Variants in PLXDC2 observed in about 807,000 individuals in gnomAD.
PLXDC2 encodes plexin domain-containing protein 2.
In PLXDC2, 40 loss-of-function variants were observed where a neutral mutation model predicts 68.9. That is an observed-to-expected ratio of 0.58 (90% confidence interval 0.45 to 0.76). PLXDC2 has a LOEUF of 0.76. Ranked by LOEUF, PLXDC2 falls within the 30% of genes least tolerant of loss-of-function variation. The probability of loss-of-function intolerance (pLI) is 0.00; values close to 1 mark genes in which losing one functional copy is unlikely to be tolerated. For missense variants in PLXDC2, 644 were observed against 661.9 expected, an observed-to-expected ratio of 0.97 and a Z score of 0.30; for synonymous variants, 243 against 234.2, an observed-to-expected ratio of 1.04 and a Z score of -0.34.
intron 2 of PLXDC2, among the ~76,000 whole-genome samples, chr10:20,013,616 G>A (rs180696019): frequency 6.6e-6 from 1 of 152,200 alleles, no homozygotes; most frequent in Admixed American, 6.5e-5. Flanking sequence ...TTTAAAACTA[G>A]TACAGAGTAA....
intron 1 of PLXDC2, among the ~76,000 whole-genome samples, chr10:19,858,703 G>A (rs1299949637): frequency 6.6e-6 from 1 of 152,092 alleles, no homozygotes; most frequent in African/African-American, 2.4e-5. Context: ...GGGATAGTGA[G>A]TATTTGCATT....
At position 20,146,518 on chromosome 10, in the gene PLXDC2, T is replaced by TCCTTCCTTCCTTCCTC. The variant is rs1217081598; in HGVS notation, c.665-1263_665-1262insTCCTTCCTTCCTCCCT. Reference sequence around the variant, plus strand: ...TTCCTTCCTTCCTTCCTTCCTTCCTTCCTCCCTCCCTCCCTCCCTCCCTCC... The same window carrying TCCTTCCTTCCTTCCTC: ...TTCCTTCCTTCCTTCCTTCCTTCCTTCCTTCCTTCCTTCCTCCCTCCCTCCCTCCCTCCCTCCCTCC... On this transcript the variant is annotated intron_variant, in intron 5 of 13. Transcript: ENST00000377252. 7.7e-3 allele frequency among the ~76,000 whole-genome samples: 883 copies of TCCTTCCTTCCTTCCTC among 115,304 alleles called. 6 individuals are homozygous for TCCTTCCTTCCTTCCTC. The highest frequency in any genetic ancestry group is 0.014 in the Middle Eastern group (3 of 210). 75.6% of individuals were successfully genotyped at this position (115,304 alleles called of 152,430 possible).
chr10:20,142,400 G>A (rs1161549045), intron 4 of PLXDC2, among the ~76,000 whole-genome samples: 1 of 152,024 alleles, frequency 6.6e-6, no homozygotes, highest in Admixed American at 6.6e-5. Flanking sequence ...ATTAAAATTA[G>A]TTAGCAATCC....
At chr10:19,986,368 G>A (rs1390523252) in intron 1 of PLXDC2, among the ~76,000 whole-genome samples, 1 of 151,882 alleles carries the variant, frequency 6.6e-6, no homozygotes, top group African/African-American at 2.4e-5. Flanking sequence ...TTCTAAACAG[G>A]TATTTTTGAA....
chr10:20,185,684 A>C (rs1013500704), intron 9 of PLXDC2, among the ~76,000 whole-genome samples: 1 of 151,962 alleles, frequency 6.6e-6, no homozygotes, highest in African/African-American at 2.4e-5. Flanking sequence ...TTATGGTCTA[A>C]GTTCATATTT....
At chr10:20,106,420 T>C (rs1833491479) in intron 4 of PLXDC2, among the ~76,000 whole-genome samples, 2 of 152,182 alleles carry the variant, frequency 1.3e-5, no homozygotes, top group Non-Finnish European at 2.9e-5. Context: ...CATTTTTGGA[T>C]TGACTTTTGA....
chr10:20,122,674 G>A (rs1833716030), intron 4 of PLXDC2, among the ~76,000 whole-genome samples: 1 of 152,214 alleles, frequency 6.6e-6, no homozygotes, highest in African/African-American at 2.4e-5. Context: ...CTGCGGTTCA[G>A]GCATTTGGAA....
intron 4 of PLXDC2, among the ~76,000 whole-genome samples, chr10:20,075,339 C>T (rs902581503): frequency 1.1e-4 from 17 of 152,100 alleles, no homozygotes; most frequent in Admixed American, 1.0e-3. Flanking sequence ...CAGGCATGCA[C>T]CACCATGCCT....
At chr10:20,160,404 A>C (rs1345792218) in intron 6 of PLXDC2, among the ~76,000 whole-genome samples, 1 of 151,886 alleles carries the variant, frequency 6.6e-6, no homozygotes, top group East Asian at 1.9e-4. Context: ...CCTAACTTCT[A>C]CTCTCCTTAC....
chr10:19,907,182 A>G (rs1833179212), intron 1 of PLXDC2, among the ~76,000 whole-genome samples: 1 of 152,128 alleles, frequency 6.6e-6, no homozygotes, highest in Admixed American at 6.5e-5. Context: ...GAGCGCTAAG[A>G]GCCTGAAATT....
intron 1 of PLXDC2, among the ~76,000 whole-genome samples, chr10:19,883,708 T>A (rs1312545303): frequency 6.6e-6 from 1 of 151,764 alleles, no homozygotes; most frequent in African/African-American, 2.4e-5. Flanking sequence ...AAAAAAAAAT[T>A]CAGAGAGAAG....
At chr10:19,941,110 C>G (rs1182903884) in intron 1 of PLXDC2, among the ~76,000 whole-genome samples, 1 of 152,186 alleles carries the variant, frequency 6.6e-6, no homozygotes, top group Non-Finnish European at 1.5e-5. Context: ...GCCTCTGTTT[C>G]ATTTTATCTC....
At chr10:19,903,579 T>C (rs184697608) in intron 1 of PLXDC2, among the ~76,000 whole-genome samples, 238 of 152,204 alleles carry the variant, frequency 1.6e-3, no homozygotes, top group African/African-American at 5.5e-3. Flanking sequence ...TGCTGGTTAA[T>C]CTTGCTAATG....
intron 2 of PLXDC2, among the ~76,000 whole-genome samples, chr10:20,024,477 T>G (rs1040081765): frequency 4.6e-5 from 7 of 152,260 alleles, no homozygotes; most frequent in African/African-American, 1.7e-4. Flanking sequence ...TACGAATTCT[T>G]CTCATTATTG....
At chr10:19,962,892 A>C (rs1834183610) in intron 1 of PLXDC2, among the ~76,000 whole-genome samples, 1 of 147,562 alleles carries the variant, frequency 6.8e-6, no homozygotes, top group Non-Finnish European at 1.5e-5. Flanking sequence ...CGGGAGGCTG[A>C]GGCGGGAGAA....
chr10:19,986,334 T>C (rs1456848452), intron 1 of PLXDC2, among the ~76,000 whole-genome samples: 1 of 152,106 alleles, frequency 6.6e-6, no homozygotes, highest in Non-Finnish European at 1.5e-5. Context: ...GGAATTTACA[T>C]ATAAATAGAA....
At chr10:20,092,596 A>G (rs74612027) in intron 4 of PLXDC2, among the ~76,000 whole-genome samples, 1 of 152,152 alleles carries the variant, frequency 6.6e-6, no homozygotes, top group Admixed American at 6.6e-5. Flanking sequence ...GAATTAAACT[A>G]TTTATGATCT....
chr10:19,856,065 A>G (rs140637947), intron 1 of PLXDC2, among the ~76,000 whole-genome samples: 1 of 152,340 alleles, frequency 6.6e-6, no homozygotes, highest in Non-Finnish European at 1.5e-5. Context: ...ACTGCACTCC[A>G]GGCTGGGTGA....
intron 4 of PLXDC2, among the ~76,000 whole-genome samples, chr10:20,082,306 T>C (rs894111281): frequency 1.3e-5 from 2 of 151,860 alleles, no homozygotes; most frequent in Non-Finnish European, 2.9e-5. Context: ...TTGACAAAGG[T>C]ATCATACCTT....
Sources: allele counts gnomAD v4.1 joint callset (sites outside exome capture counted in the v4.1 genomes callset), GRCh38; gene constraint gnomAD v4.1.1; transcripts MANE v1.5; gene names NCBI Gene and HGNC (gene_info 2026-07-23, HGNC 2026-07-21).